Variants in LAMA5 observed in about 807,000 individuals in gnomAD.
The protein encoded by LAMA5 is laminin subunit alpha-5.
In LAMA5, 260 loss-of-function variants were observed where a neutral mutation model predicts 433.4. That is an observed-to-expected ratio of 0.60 (90% CI 0.54 to 0.66). The LOEUF is 0.66. Ranked by LOEUF, LAMA5 falls within the 30% of genes least tolerant of loss-of-function variation. LAMA5 has a pLI of 0.00. For missense variants in LAMA5, 5,378 were observed against 5,258.5 expected (o/e 1.02, Z -0.70); for synonymous variants, 2,620 against 2,226.6 (o/e 1.18, Z -4.97).
rs1461084483 is a variant in LAMA5, at chr20:62,359,791, C to T, written c.450+2609G>A. On this transcript the variant is annotated intron_variant, in intron 2 of 79. Coordinates refer to ENST00000252999, the MANE Select transcript of LAMA5 (RefSeq NM_005560.6). This position sits in a 1 kb window ranked among gnomAD's most constrained non-coding sequence, Gnocchi z 4.3. ...CCAGGCTCAGCTGCTTCTGGGTGGACACCACAGGGACTAGTCTCCCCTCCC... is the reference window on the plus strand; with the variant it reads ...CCAGGCTCAGCTGCTTCTGGGTGGATACCACAGGGACTAGTCTCCCCTCCC... Among the ~76,000 whole-genome samples, 1 of 152,030 alleles carries T rather than the reference C, an allele frequency of 6.6e-6. No individual in the cohort carries two copies. The highest frequency in any genetic ancestry group is 2.4e-5 in the African/African-American group (1 of 41,386).
At chr20:62,357,762 C>G (rs546916686) in intron 2 of LAMA5, among the ~76,000 whole-genome samples, 4 of 152,328 alleles carry the variant, frequency 2.6e-5, no homozygotes, top group African/African-American at 9.6e-5. Flanking sequence ...GGAAAACTTC[C>G]AGGAGTGGGC....
At position 62,323,811 on chromosome 20, in the gene LAMA5, G is replaced by A. The variant is rs1378959466; in HGVS notation, c.5814C>T (p.Leu1938=). ...CVLRGGRTQC[L]CKPGYAGASC... is the part of the protein sequence containing the mutation. ...AGGCACCTGCATAACCAGGTTTGCA[G>A]AGGCACTGGGTGCGGCCGCCTCGCA... is the stretch of plus-strand genomic sequence containing the variant. The change falls in exon 44 of 80, where the codon CTC becomes CTT. Residue 1938 remains leucine (L), a synonymous_variant. Transcript: ENST00000252999. The A allele has an allele frequency of 6.2e-7, 1 of 1,610,824 alleles. No individual in the cohort carries two copies. The highest frequency in any genetic ancestry group is 1.7e-5 in the Admixed American group (1 of 59,900).
At chr20:62,331,378 C>T (rs1254593505) in intron 28 of LAMA5, among the ~76,000 whole-genome samples, 1 of 151,792 alleles carries the variant, frequency 6.6e-6, no homozygotes, top group Non-Finnish European at 1.5e-5. Flanking sequence ...CAAACCCAGG[C>T]GTCCGACCGA....
In LAMA5 at chr20:62,324,074, G is replaced by A. The variant is rs1978820610; in HGVS notation, c.5768+6C>T. 2 of 1,505,046 alleles carry A rather than the reference G, an allele frequency of 1.3e-6. No individual in the cohort carries two copies. The highest frequency in any genetic ancestry group is 1.8e-6 in the Non-Finnish European group (2 of 1,129,630). 93.2% of individuals were successfully genotyped at this position (1,505,046 alleles called of 1,614,324 possible). On this transcript the variant is annotated splice_donor_region_variant and intron_variant, in intron 43 of 79. Transcript: ENST00000252999. The surrounding 1 kb of genome is among the most constrained non-coding windows in gnomAD (Gnocchi z 4.4). ...AGGGCCTCGTCCCGGGAGGAGGCTG[G>A]CTTACTTGTTGGAAGGCACTGAGAG...
Position 62,333,712 on chromosome 20 carries a change from C to G in LAMA5, c.2879-6G>C, listed in dbSNP as rs375812538. The G allele has an allele frequency of 6.3e-7, 1 of 1,578,794 alleles. No individual in the cohort carries two copies. Among genetic ancestry groups the G allele is most frequent in the South Asian group, 1.2e-5 (1 of 85,654 alleles). ...GGGCTGACTCTGTGCTGTGCCTGGG[C>G]GGGGGCAGGGGTGAGACTCCTGAGC... is the stretch of plus-strand genomic sequence containing the variant. On this transcript the variant is annotated splice_region_variant and splice_polypyrimidine_tract_variant and intron_variant, in intron 23 of 79. Coordinates refer to ENST00000252999, the MANE Select transcript of LAMA5 (RefSeq NM_005560.6).
chr20:62,318,318 G>GGGGGGAGGACGTGGAGGA, intron 53 of LAMA5, 136 bp downstream of exon 53: 1 of 283,386 alleles, frequency 3.5e-6, no homozygotes, highest in Non-Finnish European at 6.4e-6. Context: ...AAGAGGAGGA[G>GGGGGGAGGACGTGGAGGA]GGGGGGAGGA....
chr20:62,346,464 G>T, intron 9 of LAMA5, 42 bp downstream of exon 9: 1 of 1,527,136 alleles, frequency 6.5e-7, no homozygotes, highest in South Asian at 1.2e-5. Flanking sequence ...TTTCCAGGCA[G>T]ACCCTGAGAC....
chr20:62,320,289 G>C (rs1285293858), intron 50 of LAMA5, among the ~76,000 whole-genome samples: 1 of 121,100 alleles, frequency 8.3e-6, no homozygotes, highest in African/African-American at 3.2e-5. Flanking sequence ...TTGCACTCCA[G>C]CCTGGGCAAC....
intron 3 of LAMA5, 63 bp from the exon 4 acceptor site, chr20:62,352,423 C>T (rs1157197618): frequency 2.3e-6 from 3 of 1,326,190 alleles, no homozygotes; most frequent in Non-Finnish European, 3.2e-6. Flanking sequence ...CCCCGCGGTG[C>T]CCGGGCCCCT....
chr20:62,317,709 G>A lies in LAMA5; in HGVS notation c.7309C>T (p.Leu2437=), dbSNP rs1014097666. Residue 2437 remains leucine, a synonymous_variant, in exon 54 of 80, where the codon CTG becomes TTG. Transcript: ENST00000252999. ...QATLHAARDT[L]ASVFRLLHSL... ...TGCAGCAATCTGAAGACGCTGGCCAGGGTGTCCCTAGCCGCATGCAGAGTG... is the reference window on the plus strand; with the variant it reads ...TGCAGCAATCTGAAGACGCTGGCCAAGGTGTCCCTAGCCGCATGCAGAGTG... 2.5e-6 allele frequency: 4 copies of A among 1,605,588 alleles called. No homozygotes were observed. The highest frequency in any genetic ancestry group is 1.7e-5 in the Admixed American group (1 of 58,996).
chr20:62,333,312 A>T, intron 25 of LAMA5, 63 bp downstream of exon 25: 1 of 1,599,048 alleles, frequency 6.3e-7, no homozygotes, highest in Non-Finnish European at 8.5e-7. Context: ...GAGTGGGGGA[A>T]GCCAGGCACA....
chr20:62,355,113 C>A (rs1601417562), intron 2 of LAMA5, among the ~76,000 whole-genome samples: 1 of 152,310 alleles, frequency 6.6e-6, no homozygotes, highest in East Asian at 1.9e-4. Flanking sequence ...GCAGTGGGGA[C>A]CAGCCCCTCC....
chr20:62,312,827 T>C (rs1008529474), intron 66 of LAMA5, 47 bp from the exon 67 acceptor site: 3 of 1,600,926 alleles, frequency 1.9e-6, no homozygotes, highest in Non-Finnish European at 2.5e-6. Flanking sequence ...CCCTGCGGCC[T>C]GCCCCGCCCC....
chr20:62,355,656 G>A (rs1332971081), intron 2 of LAMA5, among the ~76,000 whole-genome samples: 1 of 152,074 alleles, frequency 6.6e-6, no homozygotes, highest in Non-Finnish European at 1.5e-5. Context: ...CCCTGTGGGT[G>A]GGGGGCAGGG....
chr20:62,327,234 C>G lies in LAMA5; in HGVS notation c.5111G>C (p.Arg1704Pro), dbSNP rs775928220. Residue 1704 changes from arginine (R) to proline (P), a missense_variant and splice_region_variant, in exon 38 of 80, where the codon CGG (arginine) becomes CCG (proline). Transcript: ENST00000252999. ...CCCCAGACCTGATGCCCTGCTTACC[C>G]GGTCCCCCAGGTAGGAGGGTGGGGC... Reference protein sequence around the residue: ...WQAPPSYLGDRVSSYGGTLRY... With the variant: ...WQAPPSYLGDPVSSYGGTLRY... The G allele has an allele frequency of 2.0e-6, 3 of 1,506,292 alleles. No individual in the cohort carries two copies. The highest frequency in any genetic ancestry group is 2.8e-5 in the African/African-American group (2 of 72,008). 93.3% of individuals were successfully genotyped at this position (1,506,292 alleles called of 1,614,324 possible).
chr20:62,320,412 G>C, intron 50 of LAMA5, 147 bp downstream of exon 50: 2 of 608,870 alleles, frequency 3.3e-6, no homozygotes, highest in Non-Finnish European at 5.8e-6. Context: ...TCAGTGACTT[G>C]GTCAACCCCT....
In LAMA5 at chr20:62,310,509, G is replaced by T. The variant is rs771126709; in HGVS notation, c.10510C>A (p.Pro3504Thr). The part of the protein sequence containing the change: ...LRLHGRPLGA[P>T]TRMAGVTPCI... ...GGTGTGACCCCTGCCATCCGTGTGG[G>T]GGCCCCCAGGGGCCTCCCGTGCAGC... Residue 3504 changes from proline (P) to threonine (T), a missense_variant, in exon 76 of 80, where the codon CCC becomes ACC. Coordinates refer to ENST00000252999, the MANE Select transcript of LAMA5 (RefSeq NM_005560.6). The T allele has an allele frequency of 6.4e-7, 1 of 1,555,138 alleles. No individual in the cohort carries two copies. The highest frequency in any genetic ancestry group is 2.2e-5 in the East Asian group (1 of 44,652).
rs1978904860 is a variant in LAMA5 at position 62,324,500 on chromosome 20, C to T, written c.5584G>A (p.Val1862Ile). 5.6e-6 allele frequency: 9 copies of T among 1,612,374 alleles called. No homozygotes were observed. Among genetic ancestry groups the T allele is most frequent in the South Asian group, 1.1e-5 (1 of 90,998 alleles). ...GAGTGTCCATGGCACTGACAAGGGACACATCGGCCCAGGAAGAGACCTTTG... is the reference window on the plus strand; with the variant it reads ...GAGTGTCCATGGCACTGACAAGGGATACATCGGCCCAGGAAGAGACCTTTG... ...DVKGLFLGRC[V>I]PCQCHGHSDR... The change falls in exon 42 of 80, where the codon GTC becomes ATC. Residue 1862 changes from valine to isoleucine, a missense_variant. By Grantham distance (29) the Val-to-Ile change is conservative. Coordinates refer to ENST00000252999, the MANE Select transcript of LAMA5 (RefSeq NM_005560.6). The surrounding 1 kb of genome is among the most constrained non-coding windows in gnomAD (Gnocchi z 4.4).
intron 53 of LAMA5, 33 bp from the exon 54 acceptor site, chr20:62,317,811 A>T (rs1311957725): frequency 3.2e-6 from 4 of 1,233,888 alleles, no homozygotes; most frequent in Non-Finnish European, 4.4e-6. Context: ...GGGGACAATG[A>T]GGGGTAAGAA....
Sources: allele counts gnomAD v4.1 joint callset (sites outside exome capture counted in the v4.1 genomes callset), GRCh38; gene constraint gnomAD v4.1.1; non-coding constraint Gnocchi (gnomAD v3.1); transcripts MANE v1.5; gene names NCBI Gene and HGNC (gene_info 2026-07-23, HGNC 2026-07-21).